The following IL1RAPL1 variants were observed in gnomAD, a reference collection of about 807,000 sequenced individuals.
The protein encoded by IL1RAPL1 is interleukin-1 receptor accessory protein-like 1.
IL1RAPL1 carries 3 observed loss-of-function variants against 48.4 expected under a neutral mutation model. That is an observed-to-expected ratio of 0.06 (90% CI 0.03 to 0.16). The LOEUF (loss-of-function observed/expected upper bound fraction) is 0.16, where lower values mean the gene tolerates loss of function less well. Among genes scored for constraint, IL1RAPL1 ranks in the 10% least tolerant of loss-of-function variants. The pLI is 1.00. For missense variants in IL1RAPL1, 349 were observed against 530.6 expected, an observed-to-expected ratio of 0.66 and a Z score of 3.36; for synonymous variants, 185 against 187.7, an observed-to-expected ratio of 0.99 and a Z score of 0.12.
At chrX:29,252,191 A>C (rs1206352683) in intron 2 of IL1RAPL1, among the ~76,000 whole-genome samples, 1 of 112,526 alleles carries the variant, frequency 8.9e-6, no homozygotes, top group Non-Finnish European at 1.9e-5. Flanking sequence ...GGTGCAGCAC[A>C]CCAGCATGGC....
chrX:29,736,492 G>A (rs1195616312), intron 6 of IL1RAPL1, among the ~76,000 whole-genome samples: 2 of 112,345 alleles, frequency 1.8e-5, no homozygotes, highest in Non-Finnish European at 3.8e-5. Flanking sequence ...CTGGGAGGCC[G>A]AAGCGGGCAG....
intron 3 of IL1RAPL1, among the ~76,000 whole-genome samples, chrX:29,390,809 C>A (rs1045785744): frequency 4.5e-5 from 5 of 112,066 alleles, no homozygotes; most frequent in Middle Eastern, 4.6e-3. Flanking sequence ...CTTCTGCCTG[C>A]ACTACCCAAA....
chrX:28,924,464 T>C (rs1047048407), intron 2 of IL1RAPL1, among the ~76,000 whole-genome samples: 1 of 111,978 alleles, frequency 8.9e-6, no homozygotes, highest in Admixed American at 9.5e-5. Context: ...AATATGTGAA[T>C]AGAAGTACAT....
Position 28,717,643 on chromosome X carries a change from TTAAAA to T in IL1RAPL1, c.-24-71671_-24-71667del, listed in dbSNP as rs772337955. 1.2e-4 allele frequency among the ~76,000 whole-genome samples: 13 copies of T among 111,511 alleles called. No homozygotes were observed. In the South Asian group the frequency reaches 1.9e-3, roughly 16 times the overall value. On this transcript the variant is annotated intron_variant, in intron 1 of 10. Coordinates refer to ENST00000378993, the MANE Select transcript of IL1RAPL1 (RefSeq NM_014271.4). ...CAAAGCTACACATGTACTCCTGAAC[TTAAAA>T]TAAAAGAATAAAAAAAATCGTTCAT...
intron 3 of IL1RAPL1, among the ~76,000 whole-genome samples, chrX:29,353,612 G>A (rs1362482747): frequency 9.0e-6 from 1 of 110,760 alleles, no homozygotes; most frequent in East Asian, 2.8e-4. Context: ...GAAACTTTAT[G>A]ATTTCTTTTC....
At chrX:29,019,867 T>TCAAAAAGGCCAGCATCTCTG (rs1460740888) in intron 2 of IL1RAPL1, among the ~76,000 whole-genome samples, 1 of 112,203 alleles carries the variant, frequency 8.9e-6, no homozygotes, top group Non-Finnish European at 1.9e-5. Flanking sequence ...AGACTGTAGT[T>TCAAAAAGGCCAGCATCTCTG]CAAAAAGGCC....
chrX:29,379,157 G>A (rs888178895), intron 3 of IL1RAPL1, among the ~76,000 whole-genome samples: 1 of 112,483 alleles, frequency 8.9e-6, no homozygotes, highest in Non-Finnish European at 1.9e-5. Context: ...GGGTGCACTG[G>A]GAAATCCAAA....
intron 2 of IL1RAPL1, among the ~76,000 whole-genome samples, chrX:29,135,522 C>T (rs1569243850): frequency 9.0e-6 from 1 of 111,724 alleles, no homozygotes; most frequent in East Asian, 2.8e-4. Context: ...CAATAAATTT[C>T]ACAGTGTCAG....
At chrX:29,493,209 C>T (rs1321684287) in intron 5 of IL1RAPL1, among the ~76,000 whole-genome samples, 2 of 111,600 alleles carry the variant, frequency 1.8e-5, no homozygotes, top group East Asian at 5.6e-4. Flanking sequence ...ACAGATTTCC[C>T]AGGTACGACC....
intron 2 of IL1RAPL1, among the ~76,000 whole-genome samples, chrX:29,083,015 T>G (rs1373468975): frequency 8.9e-6 from 1 of 111,900 alleles, no homozygotes; most frequent in Non-Finnish European, 1.9e-5. Context: ...AAATCCTTGA[T>G]AGCTGTGGAA....
chrX:29,585,618 G>C lies in IL1RAPL1; in HGVS notation c.704-82812G>C, dbSNP rs750463330. 2.7e-5 allele frequency among the ~76,000 whole-genome samples: 3 copies of C among 111,941 alleles called. No individual in the cohort carries two copies. The South Asian group carries it at 1.1e-3, about 42-fold the overall frequency. The stretch of plus-strand genomic sequence containing the variant: ...CTTCAAACTGTTCTCCATAACAGCT[G>C]TACCATTTTACATTCCCACTAACAG... On this transcript the variant is annotated intron_variant, in intron 5 of 10. Coordinates refer to ENST00000378993, the MANE Select transcript of IL1RAPL1 (RefSeq NM_014271.4).
intron 6 of IL1RAPL1, among the ~76,000 whole-genome samples, chrX:29,865,761 T>G (rs1601857481): frequency 9.5e-6 from 1 of 105,604 alleles, no homozygotes; most frequent in East Asian, 3.0e-4. Context: ...CTCAGCCTCT[T>G]GAGTGGCTGG....
chrX:29,232,807 A>AT (rs775780134), intron 2 of IL1RAPL1, among the ~76,000 whole-genome samples: 3 of 109,045 alleles, frequency 2.8e-5, no homozygotes, highest in Admixed American at 9.8e-5. Context: ...TTACTTTTTT[A>AT]TTTTTTTTGA....
chrX:29,138,966 T>G (rs2147490166), intron 2 of IL1RAPL1, among the ~76,000 whole-genome samples: 1 of 111,488 alleles, frequency 9.0e-6, no homozygotes, highest in Admixed American at 9.6e-5. Context: ...TTAAACACAA[T>G]ATGAAAGTAA....
chrX:29,665,808 T>C (rs1376930291), intron 5 of IL1RAPL1, among the ~76,000 whole-genome samples: 1 of 112,234 alleles, frequency 8.9e-6, no homozygotes, highest in Non-Finnish European at 1.9e-5. Flanking sequence ...TTACAGATGA[T>C]GACAGATTGC....
At chrX:29,791,628 T>G (rs1309281398) in intron 6 of IL1RAPL1, among the ~76,000 whole-genome samples, 4 of 109,293 alleles carry the variant, frequency 3.7e-5, no homozygotes, top group Non-Finnish European at 7.6e-5. Flanking sequence ...TTCACCATGT[T>G]GGTCAGGCTG....
chrX:29,914,005 A>G (rs1217501633), intron 6 of IL1RAPL1, among the ~76,000 whole-genome samples: 6 of 111,383 alleles, frequency 5.4e-5, no homozygotes. Context: ...GTGTTTTTCT[A>G]TTCTTCTCTC....
chrX:29,332,956 G>T (rs1459597679), intron 3 of IL1RAPL1, among the ~76,000 whole-genome samples: 1 of 110,480 alleles, frequency 9.1e-6, no homozygotes, highest in Non-Finnish European at 1.9e-5. Context: ...GAGAGCACAG[G>T]GTTGGGGGTA....
At chrX:29,276,677 A>C (rs1485105792) in intron 2 of IL1RAPL1, among the ~76,000 whole-genome samples, 1 of 111,502 alleles carries the variant, frequency 9.0e-6, no homozygotes, top group Non-Finnish European at 1.9e-5. Context: ...TTAGAGCTAA[A>C]TGAGGTTTTT....
Sources: gnomAD v4.1 joint callset for allele counts (sites outside exome capture counted in the v4.1 genomes callset) on GRCh38, gnomAD v4.1.1 for gene constraint, MANE v1.5 for transcripts, NCBI Gene and HGNC (gene_info 2026-07-23, HGNC 2026-07-21) for gene names.